Variants in DACH2 observed in about 807,000 individuals in gnomAD.
DACH2 encodes the protein dachshund homolog 2.
A neutral mutation model predicts 35.8 loss-of-function variants in DACH2; 17 were observed. The ratio of observed to expected loss-of-function variants is 0.48; its 90% CI spans 0.33 to 0.71. DACH2 has a LOEUF of 0.71. Ranked by LOEUF, DACH2 falls within the 30% of genes least tolerant of loss-of-function variation. The pLI is 0.02. For missense variants in DACH2, 469 were observed against 472.7 expected (o/e 0.99, Z 0.07); for synonymous variants, 195 against 177.3 (o/e 1.10, Z -0.79).
chrX:86,521,251 G>T (rs1452050112), intron 3 of DACH2, among the ~76,000 whole-genome samples: 1 of 111,672 alleles, frequency 9.0e-6, no homozygotes, highest in Non-Finnish European at 1.9e-5. Context: ...GGCTTACAGG[G>T]TTTCAGCTAA....
chrX:86,626,419 T>C (rs1171496096), intron 3 of DACH2, among the ~76,000 whole-genome samples: 1 of 112,497 alleles, frequency 8.9e-6, no homozygotes, highest in Non-Finnish European at 1.9e-5. Flanking sequence ...TCCAGGCACA[T>C]GGTGCAAGCT....
At chrX:86,171,921 G>A (rs780141018) in intron 1 of DACH2, among the ~76,000 whole-genome samples, 2 of 111,479 alleles carry the variant, frequency 1.8e-5, no homozygotes, top group Admixed American at 9.6e-5. Flanking sequence ...TGAGAATGAG[G>A]TTTTTTTAAA....
chrX:86,697,425 C>T (rs916722808), intron 5 of DACH2, among the ~76,000 whole-genome samples: 2 of 110,905 alleles, frequency 1.8e-5, no homozygotes, highest in African/African-American at 6.6e-5. Context: ...CACCAAAGGC[C>T]TATTTACTTC....
intron 11 of DACH2, among the ~76,000 whole-genome samples, chrX:86,822,072 A>T (rs1432105283): frequency 8.9e-6 from 1 of 111,800 alleles, no homozygotes; most frequent in African/African-American, 3.3e-5. Flanking sequence ...GATTCACCAT[A>T]TGCCAACCCC....
At chrX:86,653,107 T>A (rs756673005) in intron 4 of DACH2, among the ~76,000 whole-genome samples, 1 of 112,123 alleles carries the variant, frequency 8.9e-6, no homozygotes, top group South Asian at 3.7e-4. Flanking sequence ...TTGATTTTTG[T>A]ATATGCTGTA....
intron 4 of DACH2, among the ~76,000 whole-genome samples, chrX:86,679,292 C>T (rs2040853377): frequency 9.0e-6 from 1 of 111,135 alleles, no homozygotes; most frequent in Non-Finnish European, 1.9e-5. Flanking sequence ...GTTAGGACGG[C>T]AGAGCTTAGG....
intron 2 of DACH2, among the ~76,000 whole-genome samples, chrX:86,504,465 GA>G (rs1363544312): frequency 3.9e-5 from 4 of 101,707 alleles, no homozygotes; most frequent in Non-Finnish European, 5.9e-5. Flanking sequence ...GTGAGGGAGG[GA>G]AAAAATAGAT....
chrX:86,346,445 G>A (rs1390697842), intron 1 of DACH2, among the ~76,000 whole-genome samples: 1 of 110,047 alleles, frequency 9.1e-6, no homozygotes, highest in Non-Finnish European at 1.9e-5. Context: ...ATTGATATAA[G>A]TTAGAGCTGA....
chrX:86,436,982 T>C, intron 2 of DACH2, among the ~76,000 whole-genome samples: 1 of 111,326 alleles, frequency 9.0e-6, no homozygotes, highest in Admixed American at 9.6e-5. Flanking sequence ...ATGAGATCTG[T>C]AATGCTGTCC....
chrX:86,165,261 G>GCTAT (rs2030904661), intron 1 of DACH2, among the ~76,000 whole-genome samples: 1 of 111,370 alleles, frequency 9.0e-6, no homozygotes. Flanking sequence ...CCAAATCTTA[G>GCTAT]CTATCGTAAA....
chrX:86,670,304 T>C (rs989085788), intron 4 of DACH2, among the ~76,000 whole-genome samples: 1 of 111,418 alleles, frequency 9.0e-6, no homozygotes, highest in East Asian at 2.8e-4. Flanking sequence ...TAGTGTGCCA[T>C]TGCATTCTAT....
chrX:86,586,829 A>T (rs4262438), intron 3 of DACH2, among the ~76,000 whole-genome samples: 16,630 of 111,122 alleles, frequency 0.15, 1,014 homozygotes, highest in East Asian at 0.3. Flanking sequence ...GTAGCCTTGT[A>T]GTACAGTTTG....
chrX:86,423,488 G>A (rs779005626), intron 2 of DACH2, among the ~76,000 whole-genome samples: 11 of 107,342 alleles, frequency 1.0e-4, no homozygotes, highest in Admixed American at 3.1e-4. Context: ...GTGTCTTTTC[G>A]AACCTTTGGC....
At position 86,423,639 on chromosome X, in the gene DACH2, A is replaced by G. The variant is rs192770893; in HGVS notation, c.527+46777A>G. ...TGTGTCTTCATTGATTGTTTCCTTTACTATGCAGAAGCTTTTTAACTTGAT... is the reference window on the plus strand; with the variant it reads ...TGTGTCTTCATTGATTGTTTCCTTTGCTATGCAGAAGCTTTTTAACTTGAT... On this transcript the variant is annotated intron_variant, in intron 2 of 11. Transcript: ENST00000373125. Among the ~76,000 whole-genome samples, 161 of 108,881 alleles carry G rather than the reference A, an allele frequency of 1.5e-3. 2 individuals carry two copies. Among genetic ancestry groups the G allele is most frequent in the African/African-American group, 5.0e-3 (150 of 30,008 alleles). The allele number at this position is 108,881 out of a possible 115,157, so 94.6% of individuals were successfully genotyped here.
At chrX:86,809,111 C>T (rs187870464) in intron 7 of DACH2, among the ~76,000 whole-genome samples, 1 of 111,716 alleles carries the variant, frequency 9.0e-6, no homozygotes, top group Non-Finnish European at 1.9e-5. Flanking sequence ...TTCCACTTTG[C>T]TTTAATAAGT....
rs1210423824 is a variant in DACH2, at chrX:86,258,797, C to T, written c.488+109689C>T. On this transcript the variant is annotated intron_variant, in intron 1 of 11. Coordinates refer to ENST00000373125, the MANE Select transcript of DACH2 (RefSeq NM_053281.3). ...ATGAAATAATCTTTCAGAAGGTACC[C>T]ATGTTAGTGGTGACAAGACCCATTA... is the stretch of plus-strand genomic sequence containing the variant. Among the ~76,000 whole-genome samples, 4 of 111,683 alleles carry T rather than the reference C, an allele frequency of 3.6e-5. No homozygotes were observed. The East Asian group carries it at 1.1e-3, about 31-fold the overall frequency.
At chrX:86,569,406 G>A (rs1208042747) in intron 3 of DACH2, among the ~76,000 whole-genome samples, 1 of 111,016 alleles carries the variant, frequency 9.0e-6, no homozygotes. Context: ...TCAACCATTT[G>A]CATTATCAAA....
At chrX:86,243,409 A>C (rs1440074505) in intron 1 of DACH2, among the ~76,000 whole-genome samples, 1 of 112,094 alleles carries the variant, frequency 8.9e-6, no homozygotes, top group Non-Finnish European at 1.9e-5. Flanking sequence ...TACTATTTCC[A>C]TGCCATAACA....
intron 1 of DACH2, among the ~76,000 whole-genome samples, chrX:86,317,002 C>A (rs185789754): frequency 9.3e-6 from 1 of 108,003 alleles, no homozygotes; most frequent in East Asian, 2.9e-4. Context: ...CCTGTAATCC[C>A]AGCTACTTGG....
Sources: allele counts gnomAD v4.1 joint callset (sites outside exome capture counted in the v4.1 genomes callset), GRCh38; gene constraint gnomAD v4.1.1; transcripts MANE v1.5; gene names NCBI Gene and HGNC (gene_info 2026-07-23, HGNC 2026-07-21).